MAGED1: variants seen among roughly 807,000 people sequenced by gnomAD.
MAGED1 encodes the protein MAGE family member D1, also known as melanoma-associated antigen D1.
In MAGED1, 3 loss-of-function variants were observed where a neutral mutation model predicts 54.1. The ratio of observed to expected loss-of-function variants is 0.06; its 90% CI spans 0.03 to 0.14. MAGED1 has a LOEUF of 0.14. Among genes scored for constraint, MAGED1 ranks in the 10% least tolerant of loss-of-function variants. The probability of loss-of-function intolerance (pLI) is 1.00; values close to 1 mark genes in which losing one functional copy is unlikely to be tolerated. For synonymous variants in MAGED1, 217 were observed against 227.3 expected, an observed-to-expected ratio of 0.95 and a Z score of 0.41; for missense variants, 485 against 623.4, an observed-to-expected ratio of 0.78 and a Z score of 2.36.
At chrX:51,894,664 C>T (rs1928625692) in intron 2 of MAGED1, 1 of 1,191,306 alleles carries the variant, frequency 8.4e-7, no homozygotes, top group Non-Finnish European at 1.1e-6. Context: ...CACCCCCTCC[C>T]CCAGCCTCCT....
intron 1 of MAGED1, among the ~76,000 whole-genome samples, chrX:51,808,281 A>G (rs1168546684): frequency 8.9e-6 from 1 of 112,051 alleles, no homozygotes; most frequent in Non-Finnish European, 1.9e-5. Flanking sequence ...GTACTTTTCA[A>G]TCCATTGCAG....
chrX:51,853,480 G>GA lies in MAGED1; in HGVS notation c.-36-40789_-36-40788insA, dbSNP rs1926966892. Among the ~76,000 whole-genome samples, 3 of 111,994 alleles carry GA rather than the reference G, an allele frequency of 2.7e-5. No homozygotes were observed. The South Asian group carries it at 1.1e-3, about 42-fold the overall frequency. On this transcript the variant is annotated intron_variant, in intron 1 of 12. Coordinates refer to the MAGED1 transcript ENST00000375772. ...TAGGGGGTAGCCCTTTGAGGTCCCAGCTCATTGTTGGGAATGTCTCCTCTT... is the reference window on the plus strand; with the variant it reads ...TAGGGGGTAGCCCTTTGAGGTCCCAGACTCATTGTTGGGAATGTCTCCTCTT...
chrX:51,862,747 A>G (rs1305988583), intron 1 of MAGED1, among the ~76,000 whole-genome samples: 1 of 111,756 alleles, frequency 8.9e-6, no homozygotes, highest in Non-Finnish European at 1.9e-5. Flanking sequence ...GAATGAGGTC[A>G]TGAAATTTAC....
intron 1 of MAGED1, among the ~76,000 whole-genome samples, chrX:51,805,489 A>C (rs953542980): frequency 9.1e-6 from 1 of 110,310 alleles, no homozygotes; most frequent in Non-Finnish European, 1.9e-5. Context: ...AATATACAGA[A>C]TATTTTATTA....
chrX:51,853,038 C>T (rs1284319419), intron 1 of MAGED1, among the ~76,000 whole-genome samples: 6 of 111,155 alleles, frequency 5.4e-5, no homozygotes, highest in African/African-American at 2.0e-4. Flanking sequence ...TTGTACTTTC[C>T]GCCCTTTTGT....
At chrX:51,803,724 C>CTTTTTT (rs10576124) in intron 1 of MAGED1, among the ~76,000 whole-genome samples, 1 of 81,388 alleles carries the variant, frequency 1.2e-5, no homozygotes, top group Non-Finnish European at 2.3e-5. Context: ...AAATGATGTT[C>CTTTTTT]TTTTTTTTTT....
chrX:51,830,885 CAG>C (rs1359194233), intron 1 of MAGED1, among the ~76,000 whole-genome samples: 1 of 112,153 alleles, frequency 8.9e-6, no homozygotes, highest in African/African-American at 3.2e-5. Flanking sequence ...TTTACTGAGA[CAG>C]AGTCTCACTC....
chrX:51,862,679 G>A (rs186672362), intron 1 of MAGED1, among the ~76,000 whole-genome samples: 2 of 111,576 alleles, frequency 1.8e-5, no homozygotes, highest in Middle Eastern at 4.6e-3. Context: ...GAGGTTCTGC[G>A]TCAAAAACTG....
chrX:51,867,051 C>T (rs1557361139), intron 1 of MAGED1, among the ~76,000 whole-genome samples: 1 of 111,646 alleles, frequency 9.0e-6, no homozygotes, highest in Non-Finnish European at 1.9e-5. Context: ...TGTAGGAATC[C>T]GATAAATGGA....
In MAGED1 at chrX:51,896,474, G is replaced by T; in HGVS notation, c.819G>T (p.Gly273=). 1 of 1,211,342 alleles carries T rather than the reference G, an allele frequency of 8.3e-7. No individual in the cohort carries two copies. Among genetic ancestry groups the T allele is most frequent in the Non-Finnish European group, 1.1e-6 (1 of 895,089 alleles). ...GDQRRAPLAA[G]TWRSAPVPVT... The stretch of plus-strand genomic sequence containing the variant: ...AGAGGCGGGCCCCACTGGCTGCAGG[G>T]ACCTGGAGGTCTGCACCAGTTCCAG... Residue 273 remains glycine (G), a synonymous_variant, in exon 4 of 13, where the codon GGG becomes GGT. Coordinates refer to ENST00000326587, the MANE Select transcript of MAGED1 (RefSeq NM_006986.4).
chrX:51,883,206 C>T (rs782584058), intron 1 of MAGED1, among the ~76,000 whole-genome samples: 1 of 110,985 alleles, frequency 9.0e-6, no homozygotes, highest in Non-Finnish European at 1.9e-5. Context: ...CCTAGATTTC[C>T]ACCCCTAATG....
At chrX:51,814,365 G>A (rs1557355860) in intron 1 of MAGED1, among the ~76,000 whole-genome samples, 1 of 111,238 alleles carries the variant, frequency 9.0e-6, no homozygotes, top group African/African-American at 3.3e-5. Flanking sequence ...CTGATCTTCA[G>A]GATTATAGGG....
chrX:51,885,978 A>G (rs1438359668), intron 1 of MAGED1, among the ~76,000 whole-genome samples: 2 of 110,131 alleles, frequency 1.8e-5, no homozygotes, highest in Non-Finnish European at 3.8e-5. Flanking sequence ...TTGCAGCAAC[A>G]TGGATGGAAC....
At chrX:51,882,479 T>C (rs1219801689) in intron 1 of MAGED1, among the ~76,000 whole-genome samples, 2 of 110,292 alleles carry the variant, frequency 1.8e-5, no homozygotes, top group Non-Finnish European at 3.8e-5. Context: ...AAGAAGATGA[T>C]GTATTCTCTA....
intron 1 of MAGED1, among the ~76,000 whole-genome samples, chrX:51,839,061 A>C (rs1378803859): frequency 1.8e-5 from 2 of 111,741 alleles, no homozygotes; most frequent in Non-Finnish European, 3.8e-5. Context: ...ATATTTTAAA[A>C]TTAAAAAAAT....
chrX:51,876,022 AACCCAC>A lies in MAGED1; in HGVS notation c.-36-18235_-36-18230del, dbSNP rs782630136. ...GGAGGATGAAACCATACATAGGACA[AACCCAC>A]ACCCACACCCATAGTGTGGGTCACA... On this transcript the variant is annotated intron_variant, in intron 1 of 12. Transcript: ENST00000375772. Among the ~76,000 whole-genome samples the A allele has an allele frequency of 2.1e-3, 234 of 111,163 alleles. 1 individual carries two copies. The highest frequency in any genetic ancestry group is 7.1e-3 in the African/African-American group (218 of 30,608).
chrX:51,879,371 G>A (rs1312272904), intron 1 of MAGED1, among the ~76,000 whole-genome samples: 2 of 111,396 alleles, frequency 1.8e-5, no homozygotes, highest in African/African-American at 6.5e-5. Context: ...TTGTTCATCT[G>A]AGAATGTCTT....
intron 1 of MAGED1, among the ~76,000 whole-genome samples, chrX:51,887,317 TG>T (rs2147007759): frequency 9.0e-6 from 1 of 111,709 alleles, no homozygotes; most frequent in African/African-American, 3.3e-5. Flanking sequence ...CCCTGCAAGA[TG>T]TTTTGTAGCT....
chrX:51,895,821 T>C, intron 3 of MAGED1, 61 bp downstream of exon 3: 1 of 911,997 alleles, frequency 1.1e-6, no homozygotes, highest in Non-Finnish European at 1.5e-6. Flanking sequence ...CTGAGGGTGT[T>C]CATTTGTTCT....
Sources: allele counts gnomAD v4.1 joint callset (sites outside exome capture counted in the v4.1 genomes callset), GRCh38; gene constraint gnomAD v4.1.1; transcripts MANE v1.5; gene names NCBI Gene and HGNC (gene_info 2026-07-23, HGNC 2026-07-21).